FHIT: variants seen among roughly 807,000 people sequenced by gnomAD.
The protein encoded by FHIT is fragile histidine triad diadenosine triphosphatase.
FHIT carries 19 observed loss-of-function variants against 17.9 expected under a neutral mutation model. The observed-to-expected ratio is 1.06, with a 90% confidence interval of 0.74 to 1.56. The LOEUF is 1.56. Among genes scored for constraint, FHIT ranks in the 40% most tolerant of loss-of-function variants. FHIT has a pLI of 0.00. For synonymous variants in FHIT, 81 were observed against 69.7 expected (o/e 1.16, Z -0.81); for missense variants, 248 against 189.2 (o/e 1.31, Z -1.82).
At chr3:60,429,555 C>T (rs900677129) in intron 5 of FHIT, among the ~76,000 whole-genome samples, 38 of 152,120 alleles carry the variant, frequency 2.5e-4, no homozygotes, top group African/African-American at 8.4e-4. Flanking sequence ...CTGGCAAGAG[C>T]CTCCCCAGGC....
At chr3:60,350,245 A>G (rs1295688466) in intron 5 of FHIT, among the ~76,000 whole-genome samples, 3 of 152,132 alleles carry the variant, frequency 2.0e-5, no homozygotes, top group Admixed American at 2.0e-4. Flanking sequence ...AGGTATAGTA[A>G]GCAAGCAGGG....
chr3:59,885,374 C>T (rs1355008645), intron 8 of FHIT, among the ~76,000 whole-genome samples: 1 of 151,770 alleles, frequency 6.6e-6, no homozygotes, highest in Admixed American at 6.6e-5. Context: ...GATACAGTGA[C>T]CGCAGGAACA....
intron 8 of FHIT, among the ~76,000 whole-genome samples, chr3:59,864,433 GAACTGTAAGTCCAATTA>G (rs778626012): frequency 1.3e-5 from 2 of 152,106 alleles, no homozygotes; most frequent in Non-Finnish European, 2.9e-5. Context: ...CAGCCATGTG[GAACTGTAAGTCCAATTA>G]AACCTCTTTT....
chr3:60,973,231 C>G (rs764680519), intron 3 of FHIT, among the ~76,000 whole-genome samples: 1 of 152,096 alleles, frequency 6.6e-6, no homozygotes, highest in Non-Finnish European at 1.5e-5. Flanking sequence ...TCATCTTAAT[C>G]CAGTTGAGGC....
chr3:59,976,623 G>C (rs763922600), intron 7 of FHIT, among the ~76,000 whole-genome samples: 3 of 151,982 alleles, frequency 2.0e-5, no homozygotes, highest in Non-Finnish European at 4.4e-5. Context: ...CTCTCACGCA[G>C]CCCTACCTAC....
intron 1 of FHIT, among the ~76,000 whole-genome samples, chr3:61,219,602 T>G (rs1383698976): frequency 6.6e-6 from 1 of 152,218 alleles, no homozygotes; most frequent in East Asian, 1.9e-4. Flanking sequence ...GTCCATATTT[T>G]GTTCTAGAGC....
intron 8 of FHIT, among the ~76,000 whole-genome samples, chr3:59,762,403 G>C (rs1701568297): frequency 6.6e-6 from 1 of 152,098 alleles, no homozygotes; most frequent in African/African-American, 2.4e-5. Context: ...TACTGGCTAT[G>C]CTAGCTCATC....
chr3:60,467,494 T>C (rs1597104), intron 5 of FHIT, among the ~76,000 whole-genome samples: 28,069 of 151,950 alleles, frequency 0.18, 2,768 homozygotes, highest in Admixed American at 0.28. Flanking sequence ...GCTTTCACCA[T>C]ATCTCATAGG....
intron 1 of FHIT, among the ~76,000 whole-genome samples, chr3:61,224,432 T>C (rs896919569): frequency 6.6e-6 from 1 of 152,184 alleles, no homozygotes; most frequent in Non-Finnish European, 1.5e-5. Flanking sequence ...TTTTATTTTA[T>C]TGACATGGAA....
chr3:60,143,927 G>C (rs1306276893), intron 5 of FHIT, among the ~76,000 whole-genome samples: 9 of 152,122 alleles, frequency 5.9e-5, no homozygotes, highest in Non-Finnish European at 1.0e-4. Flanking sequence ...TGGGAGGTGG[G>C]GTAGGGAGGC....
At chr3:60,165,551 A>G (rs1701136464) in intron 5 of FHIT, among the ~76,000 whole-genome samples, 1 of 152,158 alleles carries the variant, frequency 6.6e-6, no homozygotes, top group South Asian at 2.1e-4. Flanking sequence ...ATAGCTTGGA[A>G]GACCACAATA....
In FHIT at chr3:60,466,152, T is replaced by C. The variant is rs118172326; in HGVS notation, c.103+70708A>G. On this transcript the variant is annotated intron_variant, in intron 5 of 9. Transcript: ENST00000492590. ...GTAGTTGATTTGTAGTTATTGTAAATGGAATTACTTTCTTGAATTATTTTT... is the reference window on the plus strand; with the variant it reads ...GTAGTTGATTTGTAGTTATTGTAAACGGAATTACTTTCTTGAATTATTTTT... Among the ~76,000 whole-genome samples the C allele has an allele frequency of 9.6e-3, 1,454 of 152,146 alleles. 12 individuals carry two copies. Among genetic ancestry groups the C allele is most frequent in the East Asian group, 0.038 (196 of 5,188 alleles).
In FHIT at chr3:60,978,894, G is replaced by C. The variant is rs576795387; in HGVS notation, c.-111+63153C>G. 2.6e-5 allele frequency among the ~76,000 whole-genome samples: 4 copies of C among 152,252 alleles called. No individual in the cohort carries two copies. In the South Asian group the frequency reaches 8.3e-4, roughly 32 times the overall value. The stretch of plus-strand genomic sequence containing the variant: ...TAGATCTACAGCTATGGGTTGTGTA[G>C]AGTTGTAACCACATTAAGCCAAGCA... On this transcript the variant is annotated intron_variant, in intron 3 of 9. Transcript: ENST00000492590.
intron 3 of FHIT, among the ~76,000 whole-genome samples, chr3:60,852,675 G>A (rs1703200985): frequency 6.6e-6 from 1 of 151,886 alleles, no homozygotes; most frequent in South Asian, 2.1e-4. Context: ...AGGATATAGT[G>A]AGAATAAACT....
intron 8 of FHIT, among the ~76,000 whole-genome samples, chr3:59,895,709 G>A (rs148285530): frequency 6.6e-6 from 1 of 152,150 alleles, no homozygotes; most frequent in Non-Finnish European, 1.5e-5. Context: ...GAGTCACTTT[G>A]CTTTTGCTCT....
intron 5 of FHIT, among the ~76,000 whole-genome samples, chr3:60,476,527 G>T (rs2033351555): frequency 1.3e-5 from 2 of 152,202 alleles, no homozygotes; most frequent in South Asian, 4.1e-4. Flanking sequence ...TTCTTTTATA[G>T]GGAGGGGTAA....
intron 5 of FHIT, among the ~76,000 whole-genome samples, chr3:60,119,458 G>A (rs1705146693): frequency 6.6e-6 from 1 of 152,072 alleles, no homozygotes; most frequent in Non-Finnish European, 1.5e-5. Flanking sequence ...TGTTTAATAT[G>A]GAAGCACTCA....
intron 2 of FHIT, among the ~76,000 whole-genome samples, chr3:61,068,896 G>A (rs570911435): frequency 6.6e-6 from 1 of 152,284 alleles, no homozygotes; most frequent in East Asian, 1.9e-4. Context: ...GAAAAAGGCA[G>A]CAAGGGGGAC....
In FHIT at chr3:60,797,455, C is replaced by CAGTAGTAGTAGTAGTAGTAGT. The variant is rs59090057; in HGVS notation, c.-18+24443_-18+24463dup. On this transcript the variant is annotated intron_variant, in intron 4 of 9. Coordinates refer to ENST00000492590, the MANE Select transcript of FHIT (RefSeq NM_002012.4). Reference sequence around the variant, plus strand: ...GACAGATTCTGGCATAAAGAAATTGCAGTAGTAGTAGTAGTAGTAGTAGTA... The same window carrying CAGTAGTAGTAGTAGTAGTAGT: ...GACAGATTCTGGCATAAAGAAATTGCAGTAGTAGTAGTAGTAGTAGTAGTAGTAGTAGTAGTAGTAGTAGTA... 1.1e-4 allele frequency among the ~76,000 whole-genome samples: 17 copies of CAGTAGTAGTAGTAGTAGTAGT among 147,998 alleles called. 1 individual carries two copies. The highest frequency in any genetic ancestry group is 2.2e-4 in the Non-Finnish European group (15 of 67,448).
Sources: allele counts gnomAD v4.1 joint callset (sites outside exome capture counted in the v4.1 genomes callset), GRCh38; gene constraint gnomAD v4.1.1; transcripts MANE v1.5; gene names NCBI Gene and HGNC (gene_info 2026-07-23, HGNC 2026-07-21).